RANBP17: variants seen among roughly 807,000 people sequenced by gnomAD.
RANBP17 encodes RAN binding protein 17.
In RANBP17, 158 loss-of-function variants were observed where a neutral mutation model predicts 141.2. The ratio of observed to expected loss-of-function variants is 1.12; its 90% CI spans 0.98 to 1.28. The LOEUF is 1.28. RANBP17 is among the 50% of genes most tolerant of loss of function. The probability of loss-of-function intolerance (pLI) is 0.00; values close to 1 mark genes in which losing one functional copy is unlikely to be tolerated. For missense variants in RANBP17, 1,438 were observed against 1,290.7 expected (o/e 1.11, Z -1.75); for synonymous variants, 430 against 450.0 (o/e 0.96, Z 0.56).
intron 14 of RANBP17, chr5:171,028,834 C>A: frequency 9.1e-7 from 1 of 1,096,320 alleles, no homozygotes; most frequent in Non-Finnish European, 1.2e-6. Flanking sequence ...TCCACTGCCA[C>A]TGTACCTTTT....
chr5:171,034,491 G>A (rs1286311546), intron 14 of RANBP17, among the ~76,000 whole-genome samples: 1 of 152,212 alleles, frequency 6.6e-6, no homozygotes, highest in African/African-American at 2.4e-5. Flanking sequence ...ATGCCTAAAT[G>A]ATGCCCCAGC....
intron 12 of RANBP17, among the ~76,000 whole-genome samples, chr5:170,946,960 CAT>C (rs1491191298): frequency 2.0e-4 from 31 of 152,256 alleles, no homozygotes; most frequent in East Asian, 5.8e-4. Context: ...GAGCTTGAAA[CAT>C]GTGTACTGGA....
rs1272850390 is a variant in RANBP17, at chr5:171,058,938, C to T, written c.1710+90561C>T. Reference sequence around the variant, plus strand: ...TGATGATGAGCATTTTTTCATGTGTCTTTTGGCTGCATAAATGTCTTCTTT... The same window carrying T: ...TGATGATGAGCATTTTTTCATGTGTTTTTTGGCTGCATAAATGTCTTCTTT... On this transcript the variant is annotated intron_variant, in intron 14 of 27. Coordinates refer to ENST00000523189, the MANE Select transcript of RANBP17 (RefSeq NM_022897.5). Among the ~76,000 whole-genome samples the T allele has an allele frequency of 1.7e-4, 26 of 151,056 alleles. 1 individual carries two copies. Among genetic ancestry groups the T allele is most frequent in the African/African-American group, 5.6e-4 (23 of 41,108 alleles).
chr5:171,008,401 C>G (rs1195721824), intron 14 of RANBP17, among the ~76,000 whole-genome samples: 1 of 152,164 alleles, frequency 6.6e-6, no homozygotes, highest in Non-Finnish European at 1.5e-5. Flanking sequence ...TGACCCGGGT[C>G]TTTGGCACCA....
At chr5:171,205,650 A>G (rs747980758) in intron 20 of RANBP17, 38 bp downstream of exon 20, 4 of 1,515,410 alleles carry the variant, frequency 2.6e-6, no homozygotes, top group Middle Eastern at 3.4e-4. Flanking sequence ...AGCTCTGTGC[A>G]CAGAGGGATG....
chr5:170,960,524 T>C (rs1442048615), intron 13 of RANBP17, among the ~76,000 whole-genome samples: 1 of 152,188 alleles, frequency 6.6e-6, no homozygotes, highest in Non-Finnish European at 1.5e-5. Context: ...TTTTCCCTTT[T>C]TCTCTCTAGC....
intron 14 of RANBP17, among the ~76,000 whole-genome samples, chr5:171,113,149 G>T (rs1755368374): frequency 6.6e-6 from 1 of 152,168 alleles, no homozygotes; most frequent in Non-Finnish European, 1.5e-5. Context: ...ATCTGAAGAT[G>T]TATCACTAAA....
chr5:170,950,870 T>C (rs374975908), intron 12 of RANBP17, among the ~76,000 whole-genome samples: 1 of 152,214 alleles, frequency 6.6e-6, no homozygotes, highest in East Asian at 1.9e-4. Context: ...GTGGTATATA[T>C]ACATAGTAGA....
At chr5:171,071,955 T>C (rs1191875194) in intron 14 of RANBP17, among the ~76,000 whole-genome samples, 1 of 152,046 alleles carries the variant, frequency 6.6e-6, no homozygotes. Context: ...AGTCAAGTGC[T>C]GAATGGGAGA....
At chr5:171,163,716 A>G (rs1012621206) in intron 14 of RANBP17, among the ~76,000 whole-genome samples, 10 of 152,226 alleles carry the variant, frequency 6.6e-5, no homozygotes, top group African/African-American at 2.4e-4. Flanking sequence ...TCATTCCAAT[A>G]GATTGAAACA....
intron 16 of RANBP17, among the ~76,000 whole-genome samples, chr5:171,176,838 C>T (rs945808354): frequency 6.6e-6 from 1 of 152,176 alleles, no homozygotes; most frequent in African/African-American, 2.4e-5. Flanking sequence ...CTGTTTCTGA[C>T]CTTCCCACCA....
chr5:171,065,885 G>GAGTCTCA (rs1784283079), intron 14 of RANBP17, among the ~76,000 whole-genome samples: 1 of 151,346 alleles, frequency 6.6e-6, no homozygotes, highest in African/African-American at 2.4e-5. Flanking sequence ...TTTTGAGACG[G>GAGTCTCA]AGTCTCACTC....
At chr5:171,060,780 A>T (rs1365520854) in intron 14 of RANBP17, among the ~76,000 whole-genome samples, 1 of 152,056 alleles carries the variant, frequency 6.6e-6, no homozygotes, top group Admixed American at 6.6e-5. Flanking sequence ...TCGGCTGTGA[A>T]TCCATCTGGT....
At chr5:170,898,651 A>G (rs1293606543) in intron 5 of RANBP17, among the ~76,000 whole-genome samples, 1 of 152,098 alleles carries the variant, frequency 6.6e-6, no homozygotes, top group Non-Finnish European at 1.5e-5. Context: ...TTATGATGTT[A>G]GGTCTTATAT....
intron 14 of RANBP17, among the ~76,000 whole-genome samples, chr5:171,153,971 G>A (rs1006501278): frequency 6.6e-6 from 1 of 151,732 alleles, no homozygotes; most frequent in Admixed American, 6.6e-5. Context: ...AGGTTGCAGT[G>A]AGCCAAGATC....
chr5:171,293,593 G>A (rs1404490610), intron 25 of RANBP17, among the ~76,000 whole-genome samples: 1 of 152,194 alleles, frequency 6.6e-6, no homozygotes, highest in Non-Finnish European at 1.5e-5. Context: ...GGGTTGAGAG[G>A]CAGGGACTGA....
At chr5:171,255,967 A>C (rs988037807) in intron 24 of RANBP17, among the ~76,000 whole-genome samples, 1 of 152,202 alleles carries the variant, frequency 6.6e-6, no homozygotes, top group Non-Finnish European at 1.5e-5. Context: ...TTACCTTTAA[A>C]AGATTATTTA....
At position 171,091,444 on chromosome 5, in the gene RANBP17, G is replaced by A. The variant is rs183086691; in HGVS notation, c.1711-78686G>A. Among the ~76,000 whole-genome samples, 9 of 152,324 alleles carry A rather than the reference G, an allele frequency of 5.9e-5. No individual in the cohort carries two copies. The East Asian group carries it at 1.7e-3, about 29-fold the overall frequency. ...ATTTTACAGGCTCATAGGCAGAAGG[G>A]TCTTGTCTCCTCTTGGATGAGACTT... is the stretch of plus-strand genomic sequence containing the variant. On this transcript the variant is annotated intron_variant, in intron 14 of 27. Transcript: ENST00000523189.
At chr5:171,277,589 T>C (rs72829423) in intron 25 of RANBP17, among the ~76,000 whole-genome samples, 16,614 of 130,572 alleles carry the variant, frequency 0.13, 1,277 homozygotes, top group East Asian at 0.22. Context: ...CTAGAATCAA[T>C]TATATGCTAG....
Sources: gnomAD v4.1 joint callset for allele counts (sites outside exome capture counted in the v4.1 genomes callset) on GRCh38, gnomAD v4.1.1 for gene constraint, MANE v1.5 for transcripts, NCBI Gene and HGNC (gene_info 2026-07-23, HGNC 2026-07-21) for gene names.